Variants in ZNF44 observed in about 807,000 individuals in gnomAD.
ZNF44 encodes gonadotropin inducible transcription repressor-2.
Under a neutral mutation model 11.7 loss-of-function variants are expected in ZNF44, and 9 were observed. The ratio of observed to expected loss-of-function variants is 0.77; its 90% CI spans 0.46 to 1.35. The LOEUF (loss-of-function observed/expected upper bound fraction) is 1.35. Ranked by LOEUF, ZNF44 falls within the 40% of genes most tolerant of loss-of-function variation. The probability of loss-of-function intolerance (pLI) is 0.00; values close to 1 mark genes in which losing one functional copy is unlikely to be tolerated. For synonymous variants in ZNF44, 224 were observed against 242.7 expected (o/e 0.92, Z 0.72); for missense variants, 696 against 743.1 (o/e 0.94, Z 0.74).
chr19:12,241,447 T>C (rs1375851423), upstream of ZNF44, among the ~76,000 whole-genome samples: 2 of 152,214 alleles, frequency 1.3e-5, no homozygotes, highest in African/African-American at 4.8e-5. Flanking sequence ...CCCAGTACTC[T>C]GGGAGGCCAA....
intron 5 of ZNF44, chr19:12,260,491 C>A: frequency 7.7e-7 from 1 of 1,301,502 alleles, no homozygotes; most frequent in Non-Finnish European, 1.1e-6. Context: ...AGCCAGAAGC[C>A]TGTGATGGTG....
chr19:12,282,421 C>CTTTTTTTTTTT (rs59865823), intron 1 of ZNF44, among the ~76,000 whole-genome samples: 1 of 126,238 alleles, frequency 7.9e-6, no homozygotes, highest in African/African-American at 3.1e-5. Flanking sequence ...GAGAAGTCTT[C>CTTTTTTTTTTT]TTTTTTTTTT....
intron 1 of ZNF44, chr19:12,291,004 C>G (rs999074299): frequency 2.1e-5 from 5 of 233,564 alleles, no homozygotes; most frequent in Non-Finnish European, 4.3e-5. Flanking sequence ...CACTCAAATT[C>G]AGTGTTTACA....
At chr19:12,292,584 G>A (rs934355533) in intron 1 of ZNF44, among the ~76,000 whole-genome samples, 2 of 152,064 alleles carry the variant, frequency 1.3e-5, no homozygotes, top group South Asian at 2.1e-4. Flanking sequence ...TGGCACATCC[G>A]CCAGCCCCAC....
At chr19:12,282,465 A>C (rs888374981) in intron 1 of ZNF44, among the ~76,000 whole-genome samples, 7 of 136,442 alleles carry the variant, frequency 5.1e-5, no homozygotes, top group Non-Finnish European at 1.1e-4. Context: ...TCTGTCACCC[A>C]GGCTGGAGTG....
intron 5 of ZNF44, among the ~76,000 whole-genome samples, chr19:12,254,328 G>A (rs1405986267): frequency 3.9e-5 from 6 of 152,168 alleles, no homozygotes; most frequent in Non-Finnish European, 7.4e-5. Flanking sequence ...ACGACCCACG[G>A]ATGAAAGTAG....
At chr19:12,233,550 C>CAAAAAAAA (rs58060175) in intron 2 of ZNF44, among the ~76,000 whole-genome samples, 2 of 80,856 alleles carry the variant, frequency 2.5e-5, no homozygotes, top group Non-Finnish European at 5.2e-5. Context: ...ACCCATACAT[C>CAAAAAAAA]AAAAAAAAAA....
upstream of ZNF44, among the ~76,000 whole-genome samples, chr19:12,240,166 G>T (rs1339513057): frequency 6.6e-6 from 1 of 151,894 alleles, no homozygotes; most frequent in Non-Finnish European, 1.5e-5. Context: ...TTTTTAGGCC[G>T]GGCACAATGG....
At chr19:12,249,271 C>T (rs1371667619) in intron 7 of ZNF44, among the ~76,000 whole-genome samples, 28 of 151,018 alleles carry the variant, frequency 1.9e-4, no homozygotes, top group Admixed American at 2.0e-4. Context: ...TTTGGGAGGC[C>T]GAGGCGGGCG....
At chr19:12,228,144 C>CTA in intron 3 of ZNF44, among the ~76,000 whole-genome samples, 1 of 151,264 alleles carries the variant, frequency 6.6e-6, no homozygotes, top group African/African-American at 2.4e-5. Context: ...CCTGCCAAAA[C>CTA]GTGCTTAAAC....
downstream of ZNF44, among the ~76,000 whole-genome samples, chr19:12,244,057 AGAT>A (rs1161008227): frequency 6.6e-6 from 1 of 152,026 alleles, no homozygotes; most frequent in Non-Finnish European, 1.5e-5. Flanking sequence ...TAGTTTTTTG[AGAT>A]GAGAGGGGTC....
intron 3 of ZNF44, among the ~76,000 whole-genome samples, chr19:12,227,582 G>C (rs941155150): frequency 6.6e-6 from 1 of 152,128 alleles, no homozygotes; most frequent in Non-Finnish European, 1.5e-5. Flanking sequence ...CTCCAGCCTG[G>C]GCAACAAAAG....
chr19:12,230,118 T>C (rs913465184), intron 3 of ZNF44, among the ~76,000 whole-genome samples: 6 of 152,188 alleles, frequency 3.9e-5, no homozygotes, highest in African/African-American at 1.4e-4. Context: ...CTAATGTGTA[T>C]TGGGGCCAGG....
At chr19:12,258,509 A>G (rs531184049) in intron 5 of ZNF44, among the ~76,000 whole-genome samples, 18 of 152,002 alleles carry the variant, frequency 1.2e-4, no homozygotes, top group Admixed American at 2.6e-4. Flanking sequence ...CATTTTGTCA[A>G]TCTAATTTGT....
intron 1 of ZNF44, 160 bp from the exon 2 acceptor site, chr19:12,276,242 G>T: frequency 8.7e-7 from 1 of 1,150,702 alleles, no homozygotes; most frequent in Non-Finnish European, 1.2e-6. Flanking sequence ...ACTGTCTGAT[G>T]CTGGAATTCT....
chr19:12,263,923 TCA>T (rs1917625199), intron 5 of ZNF44, among the ~76,000 whole-genome samples: 1 of 85,560 alleles, frequency 1.2e-5, no homozygotes, highest in Non-Finnish European at 2.2e-5. Context: ...AGACTCCGTC[TCA>T]AAAAAAAAAA....
At position 12,272,192 on chromosome 19, in the gene ZNF44, G is replaced by T; in HGVS notation, c.*215C>A. 7 of 639,576 alleles carry T rather than the reference G, an allele frequency of 1.1e-5. No homozygotes were observed. The highest frequency in any genetic ancestry group is 6.1e-5 in the South Asian group (1 of 16,278). 39.6% of individuals were successfully genotyped at this position (639,576 alleles called of 1,614,324 possible). ...TTTTTTTTTCCGTATTTTTAGTAGA[G>T]ACAGGGTTTCCCATGTTAGCCAGGC... On this transcript the variant is annotated 3_prime_UTR_variant, in exon 4 of 4. Transcript: ENST00000355684.
intron 1 of ZNF44, among the ~76,000 whole-genome samples, chr19:12,235,989 ACT>A (rs1916372259): frequency 2.0e-5 from 3 of 152,352 alleles, no homozygotes; most frequent in Admixed American, 6.5e-5. Context: ...TCATGCACTT[ACT>A]CTGTTTTCCT....
chr19:12,282,675 G>A (rs745974277), intron 1 of ZNF44, among the ~76,000 whole-genome samples: 1 of 152,010 alleles, frequency 6.6e-6, no homozygotes, highest in Non-Finnish European at 1.5e-5. Context: ...CGCCCACCTA[G>A]GCCTCCCAAA....
Sources: allele counts gnomAD v4.1 joint callset (sites outside exome capture counted in the v4.1 genomes callset), GRCh38; gene constraint gnomAD v4.1.1; transcripts MANE v1.5; gene names NCBI Gene and HGNC (gene_info 2026-07-23, HGNC 2026-07-21).